The following EGFR variants were observed in gnomAD, a reference collection of about 807,000 sequenced individuals.
The protein encoded by EGFR is avian erythroblastic leukemia viral (v-erb-b) oncogene homolog.
Under a neutral mutation model 143.0 loss-of-function variants are expected in EGFR, and 58 were observed. The observed-to-expected ratio is 0.41, with a 90% CI of 0.33 to 0.50. The LOEUF (loss-of-function observed/expected upper bound fraction) is 0.50, where lower values mean the gene tolerates loss of function less well. Ranked by LOEUF, EGFR falls within the 20% of genes least tolerant of loss-of-function variation. The pLI, the probability that EGFR is intolerant of heterozygous loss-of-function variation, is 0.39. For synonymous variants in EGFR, 613 were observed against 594.4 expected, an observed-to-expected ratio of 1.03 and a Z score of -0.45; for missense variants, 1,307 against 1,579.0, an observed-to-expected ratio of 0.83 and a Z score of 2.92.
chr7:55,192,508 T>G (rs1787443692), intron 21 of EGFR, among the ~76,000 whole-genome samples: 1 of 152,188 alleles, frequency 6.6e-6, no homozygotes, highest in Non-Finnish European at 1.5e-5. Context: ...GTGAGGCCAC[T>G]GGGCACAACC....
chr7:55,101,983 G>T (rs894605740), intron 1 of EGFR, among the ~76,000 whole-genome samples: 7 of 152,182 alleles, frequency 4.6e-5, no homozygotes, highest in African/African-American at 1.7e-4. Flanking sequence ...CTGTATCGAA[G>T]CTCGGCTCAG....
chr7:55,081,310 C>T (rs962885870), intron 1 of EGFR, among the ~76,000 whole-genome samples: 5 of 152,192 alleles, frequency 3.3e-5, no homozygotes, highest in African/African-American at 9.7e-5. Context: ...AACGGAGATA[C>T]TCTATTCTGT....
chr7:55,064,426 G>T (rs1789379149), intron 1 of EGFR, among the ~76,000 whole-genome samples: 1 of 152,182 alleles, frequency 6.6e-6, no homozygotes, highest in Non-Finnish European at 1.5e-5. Flanking sequence ...GAATATGTTA[G>T]TATCCAGACA....
At position 55,206,796 on chromosome 7, in the gene EGFR, A is replaced by T; in HGVS notation, c.*1179A>T. ...ACCCCCTCCTTACGCTTTGTCACAC[A>T]AAAAGTGTCTCTGCCTTGAGTCATC... On this transcript the variant is annotated 3_prime_UTR_variant, in exon 28 of 28. Coordinates refer to ENST00000275493, the MANE Select transcript of EGFR (RefSeq NM_005228.5). 1 of 233,344 alleles carries T rather than the reference A, an allele frequency of 4.3e-6. No individual in the cohort carries two copies. The highest frequency in any genetic ancestry group is 6.0e-5 in the East Asian group (1 of 16,586). 14.5% of individuals were successfully genotyped at this position (233,344 alleles called of 1,614,324 possible).
At chr7:55,143,542 G>C (rs752803447) in intron 3 of EGFR, 54 bp downstream of exon 3, 2 of 1,596,412 alleles carry the variant, frequency 1.3e-6, no homozygotes, top group Non-Finnish European at 1.7e-6. Context: ...CAGCAGTTCC[G>C]ATGGCTCCCA....
At position 55,152,673 on chromosome 7, in the gene EGFR, C is replaced by G. The variant is rs770346907; in HGVS notation, c.747+9C>G. ...GGGAGAGCGACTGCCTGGTAAGATG[C>G]CCCTCCAGCAGCCTCCCTGGAGCAG... is the stretch of plus-strand genomic sequence containing the variant. On this transcript the variant is annotated intron_variant, in intron 6 of 27. Coordinates refer to ENST00000275493, the MANE Select transcript of EGFR (RefSeq NM_005228.5). 6.2e-7 allele frequency: 1 copy of G among 1,611,640 alleles called. No individual in the cohort carries two copies. The highest frequency in any genetic ancestry group is 2.2e-5 in the East Asian group (1 of 44,856).
chr7:55,137,582 G>C (rs1027794773), intron 1 of EGFR, among the ~76,000 whole-genome samples: 2 of 152,098 alleles, frequency 1.3e-5, no homozygotes, highest in Non-Finnish European at 2.9e-5. Context: ...ATAATAACGA[G>C]ACCACCGGCC....
At chr7:55,160,379 A>G (rs1228562716) in intron 12 of EGFR, 41 bp downstream of exon 12, 2 of 1,592,186 alleles carry the variant, frequency 1.3e-6, no homozygotes, top group African/African-American at 1.3e-5. Context: ...AGTTGGTTCT[A>G]ATGGGTCCTT....
At position 55,170,408 on chromosome 7, in the gene EGFR, C is replaced by CAGCT. The variant is rs1486667744; in HGVS notation, c.1881-766_1881-763dup. On this transcript the variant is annotated intron_variant, in intron 15 of 27. Coordinates refer to ENST00000275493, the MANE Select transcript of EGFR (RefSeq NM_005228.5). ...AGCGTGTCCCACCAGAGCGGGAGCC[C>CAGCT]AGCTGCTCAGGAGTCATGCTTAGGA... 4 of 1,614,142 alleles carry CAGCT rather than the reference C, an allele frequency of 2.5e-6. No homozygotes were observed. The Admixed American group carries it at 6.7e-5, about 27-fold the overall frequency.
intron 1 of EGFR, among the ~76,000 whole-genome samples, chr7:55,098,687 G>C (rs1791626366): frequency 6.6e-6 from 1 of 152,058 alleles, no homozygotes; most frequent in Non-Finnish European, 1.5e-5. Context: ...AGTTACTCCG[G>C]CAATATAAAA....
At chr7:55,199,034 C>G (rs941571322) in intron 23 of EGFR, among the ~76,000 whole-genome samples, 171 bp downstream of exon 23, 1 of 152,260 alleles carries the variant, frequency 6.6e-6, no homozygotes, top group Non-Finnish European at 1.5e-5. Flanking sequence ...TTTAAAGACA[C>G]TTCTTGACTC....
intron 1 of EGFR, among the ~76,000 whole-genome samples, chr7:55,139,480 T>A (rs1365274942): frequency 2.0e-5 from 3 of 152,208 alleles, no homozygotes; most frequent in Non-Finnish European, 4.4e-5. Context: ...GTGATCCTCA[T>A]CCTAGATTTC....
chr7:55,114,142 C>T (rs1792688444), intron 1 of EGFR, among the ~76,000 whole-genome samples: 1 of 152,190 alleles, frequency 6.6e-6, no homozygotes. Context: ...AAATAAAAGG[C>T]TCACAGAATT....
At chr7:55,079,239 G>C (rs937834650) in intron 1 of EGFR, among the ~76,000 whole-genome samples, 1 of 152,198 alleles carries the variant, frequency 6.6e-6, no homozygotes, top group Non-Finnish European at 1.5e-5. Context: ...GGCCAGGCAC[G>C]GGGTGTGGGC....
At chr7:55,040,993 G>A (rs959317554) in intron 1 of EGFR, among the ~76,000 whole-genome samples, 3 of 152,184 alleles carry the variant, frequency 2.0e-5, no homozygotes, top group Admixed American at 1.3e-4. Context: ...TGATCTTTCC[G>A]CAAGCTAAAA....
Position 55,152,670 on chromosome 7 carries a change from A to C in EGFR, c.747+6A>C. On this transcript the variant is annotated splice_donor_region_variant and intron_variant, in intron 6 of 27. Coordinates refer to ENST00000275493, the MANE Select transcript of EGFR (RefSeq NM_005228.5). Reference sequence around the variant, plus strand: ...CCCGGGAGAGCGACTGCCTGGTAAGATGCCCCTCCAGCAGCCTCCCTGGAG... The same window carrying C: ...CCCGGGAGAGCGACTGCCTGGTAAGCTGCCCCTCCAGCAGCCTCCCTGGAG... 6.2e-7 allele frequency: 1 copy of C among 1,612,570 alleles called. No homozygotes were observed. The highest frequency in any genetic ancestry group is 8.5e-7 in the Non-Finnish European group (1 of 1,179,340).
chr7:55,022,323 T>C (rs936789844), intron 1 of EGFR, among the ~76,000 whole-genome samples: 2 of 152,152 alleles, frequency 1.3e-5, no homozygotes, highest in Non-Finnish European at 2.9e-5. Flanking sequence ...GCCCCACTTC[T>C]GGAGACGTTC....
At chr7:55,128,118 A>T (rs571640739) in intron 1 of EGFR, among the ~76,000 whole-genome samples, 5 of 152,344 alleles carry the variant, frequency 3.3e-5, no homozygotes, top group African/African-American at 1.2e-4. Context: ...GTGGCTTTCT[A>T]GACCCAGGGA....
At chr7:55,115,644 A>G (rs1792794425) in intron 1 of EGFR, among the ~76,000 whole-genome samples, 1 of 152,296 alleles carries the variant, frequency 6.6e-6, no homozygotes. Context: ...ATTCCCATCC[A>G]TGAGCTCCCT....
Sources: gnomAD v4.1 joint callset for allele counts (sites outside exome capture counted in the v4.1 genomes callset) on GRCh38, gnomAD v4.1.1 for gene constraint, MANE v1.5 for transcripts, NCBI Gene and HGNC (gene_info 2026-07-23, HGNC 2026-07-21) for gene names.